The following POLN variants were observed in gnomAD, a reference collection of about 807,000 sequenced individuals.
The protein encoded by POLN is DNA polymerase N.
In POLN, 108 loss-of-function variants were observed where a neutral mutation model predicts 113.5. The observed-to-expected ratio is 0.95, with a 90% CI of 0.81 to 1.12. POLN has a LOEUF of 1.12. POLN is among the 50% of genes most tolerant of loss of function. The pLI, the probability that POLN is intolerant of heterozygous loss-of-function variation, is 0.00. For synonymous variants in POLN, 386 were observed against 391.5 expected (o/e 0.99, Z 0.17); for missense variants, 1,097 against 1,077.1 (o/e 1.02, Z -0.26).
chr4:2,186,843 T>C (rs750992856), intron 7 of POLN, among the ~76,000 whole-genome samples: 1 of 152,158 alleles, frequency 6.6e-6, no homozygotes, highest in Non-Finnish European at 1.5e-5. Context: ...AATTGCAGTT[T>C]TAAGGAAACT....
intron 2 of POLN, chr4:2,234,266 A>T (rs1734681180): frequency 6.6e-6 from 1 of 152,244 alleles, no homozygotes. Flanking sequence ...AGAAGACATG[A>T]AGGTCAAAAT....
At position 2,085,024 on chromosome 4, in the gene POLN, G is replaced by A. The variant is rs565654068; in HGVS notation, c.2197+589C>T. 6.6e-5 allele frequency among the ~76,000 whole-genome samples: 10 copies of A among 152,302 alleles called. No individual in the cohort carries two copies. The South Asian group carries it at 2.1e-3, about 32-fold the overall frequency. On this transcript the variant is annotated intron_variant, in intron 21 of 25. Coordinates refer to ENST00000511885, the MANE Select transcript of POLN (RefSeq NM_181808.4). ...TCCTTTACTTCTAAGTGAGGCGTCA[G>A]CTTAGCCACATCCCAGTTTCTGATG...
chr4:2,175,734 C>G (rs530304051), intron 9 of POLN, among the ~76,000 whole-genome samples: 1 of 152,338 alleles, frequency 6.6e-6, no homozygotes, highest in Non-Finnish European at 1.5e-5. Context: ...GGGGCAGGCT[C>G]CTCCAGGTCA....
At chr4:2,077,162 G>A (rs988452530) in intron 23 of POLN, 1 of 152,296 alleles carries the variant, frequency 6.6e-6, no homozygotes, top group Non-Finnish European at 1.5e-5. Flanking sequence ...TGCCTGCAAG[G>A]TGTGAGGGCT....
In POLN at chr4:2,129,203, T is replaced by C. The variant is rs1190124937; in HGVS notation, c.1843A>G (p.Lys615Glu). 1.3e-6 allele frequency: 2 copies of C among 1,599,502 alleles called. No individual in the cohort carries two copies. The highest frequency in any genetic ancestry group is 4.5e-5 in the East Asian group (2 of 44,800). Residue 615 changes from lysine to glutamate, a missense_variant, in exon 18 of 26, where the codon AAA (lysine) becomes GAA (glutamate). Physicochemically the swap from Lys to Glu is moderately conservative, Grantham distance 56. Transcript: ENST00000511885. ...ISPRAMFVSS[K>E]GHTFLAADFS... Reference sequence around the variant, plus strand: ...CCTGCTGCTAGAAAGGTGTGGCCTTTGGATGAAACAAACATGGCCCTCGGG... The same window carrying C: ...CCTGCTGCTAGAAAGGTGTGGCCTTCGGATGAAACAAACATGGCCCTCGGG...
chr4:2,175,794 G>A (rs1158189613), intron 9 of POLN, among the ~76,000 whole-genome samples: 1 of 152,156 alleles, frequency 6.6e-6, no homozygotes, highest in Non-Finnish European at 1.5e-5. Flanking sequence ...GGGGGCAGGA[G>A]GGAGGGAAAC....
At chr4:2,097,017 C>T (rs1442978395) in intron 19 of POLN, among the ~76,000 whole-genome samples, 1 of 152,226 alleles carries the variant, frequency 6.6e-6, no homozygotes, top group African/African-American at 2.4e-5. Flanking sequence ...TCTCTCTCCT[C>T]AGTTTTTCTT....
intron 2 of POLN, chr4:2,240,833 C>T (rs1388022920): frequency 8.1e-6 from 13 of 1,613,680 alleles, no homozygotes; most frequent in Non-Finnish European, 1.1e-5. Context: ...ACTTCAGAAA[C>T]GATTCATCTT....
intron 16 of POLN, among the ~76,000 whole-genome samples, chr4:2,155,580 C>T (rs1227799871): frequency 6.6e-6 from 1 of 150,380 alleles, no homozygotes; most frequent in Non-Finnish European, 1.5e-5. Flanking sequence ...ACGGGACAGA[C>T]ACATGTTACG....
chr4:2,207,922 C>T lies in POLN; in HGVS notation c.714+65G>A. Reference sequence around the variant, plus strand: ...TTCTAGCTCTCCTATCAAAATCTGACACTAAGAAAATGGGCTTCTTTTATG... The same window carrying T: ...TTCTAGCTCTCCTATCAAAATCTGATACTAAGAAAATGGGCTTCTTTTATG... On this transcript the variant is annotated intron_variant, in intron 5 of 25. Transcript: ENST00000511885. The T allele has an allele frequency of 2.7e-6, 4 of 1,499,090 alleles. No homozygotes were observed. In the Admixed American group the frequency reaches 9.9e-5, roughly 37 times the overall value. The allele number at this position is 1,499,090 out of a possible 1,614,324, so 92.9% of individuals were successfully genotyped here. A position where few individuals can be genotyped will look rare whatever the true frequency, so the allele number is the denominator to read the frequency against.
chr4:2,157,992 C>A lies in POLN; in HGVS notation c.1612-81G>T, dbSNP rs1577729263. 10 of 1,134,814 alleles carry A rather than the reference C, an allele frequency of 8.8e-6. No individual in the cohort carries two copies. In the East Asian group the frequency reaches 2.6e-4, roughly 29 times the overall value. 70.3% of individuals were successfully genotyped at this position (1,134,814 alleles called of 1,614,324 possible). On this transcript the variant is annotated intron_variant, in intron 14 of 25. Coordinates refer to ENST00000511885, the MANE Select transcript of POLN (RefSeq NM_181808.4). ...GGGGGGAAGGAGTCTCGCTCCATTGCCCAGGCTGGAGTGCAGTGGCGTGAT... is the reference window on the plus strand; with the variant it reads ...GGGGGGAAGGAGTCTCGCTCCATTGACCAGGCTGGAGTGCAGTGGCGTGAT...
At chr4:2,168,343 GA>G (rs891004690) in intron 13 of POLN, among the ~76,000 whole-genome samples, 30 of 152,344 alleles carry the variant, frequency 2.0e-4, no homozygotes, top group African/African-American at 7.0e-4. Context: ...CCAGGAAGGG[GA>G]AAGGGAGGAT....
intron 23 of POLN, chr4:2,078,462 ATCTTCT>A (rs370641206): frequency 1.5e-6 from 1 of 656,756 alleles, no homozygotes; most frequent in Admixed American, 6.3e-5. Context: ...GGCCAGATGA[ATCTTCT>A]TCTTCTTTTT....
At chr4:2,109,489 G>A (rs1335752408) in intron 19 of POLN, among the ~76,000 whole-genome samples, 3 of 152,170 alleles carry the variant, frequency 2.0e-5, no homozygotes, top group Admixed American at 6.5e-5. Context: ...GGGAATGAAT[G>A]ATTGAATGAA....
At chr4:2,143,560 C>T (rs1366179996) in intron 16 of POLN, among the ~76,000 whole-genome samples, 1 of 152,106 alleles carries the variant, frequency 6.6e-6, no homozygotes, top group Non-Finnish European at 1.5e-5. Flanking sequence ...TTTTAAAACT[C>T]CCCAAAAATA....
intron 3 of POLN, among the ~76,000 whole-genome samples, chr4:2,226,173 G>T (rs1436500990): frequency 6.6e-6 from 1 of 152,108 alleles, no homozygotes; most frequent in Non-Finnish European, 1.5e-5. Flanking sequence ...TCCAACCGAT[G>T]GGAAGCAAAG....
At chr4:2,080,831 A>C in intron 23 of POLN, 127 bp downstream of exon 23, 2 of 1,563,480 alleles carry the variant, frequency 1.3e-6, no homozygotes, top group Non-Finnish European at 8.6e-7. Context: ...ATGGGCTGAG[A>C]GCCTCAGGAG....
At chr4:2,094,678 A>C (rs1003796526) in intron 20 of POLN, among the ~76,000 whole-genome samples, 1 of 152,104 alleles carries the variant, frequency 6.6e-6, no homozygotes, top group Non-Finnish European at 1.5e-5. Flanking sequence ...GTTCCCATAG[A>C]GGGAAGAGTA....
In POLN at chr4:2,126,360, T is replaced by C. The variant is rs568478067; in HGVS notation, c.1982+1753A>G. On this transcript the variant is annotated intron_variant, in intron 19 of 25. Transcript: ENST00000511885. This position sits in a 1 kb window ranked among gnomAD's most constrained non-coding sequence, Gnocchi z 4.6. Reference sequence around the variant, plus strand: ...AAGAGTCCTGTGGTGGTAGCCTTTTTGGAGAGATTTTCTGATTCAAACGCA... The same window carrying C: ...AAGAGTCCTGTGGTGGTAGCCTTTTCGGAGAGATTTTCTGATTCAAACGCA... Among the ~76,000 whole-genome samples, 2 of 152,330 alleles carry C rather than the reference T, an allele frequency of 1.3e-5. No homozygotes were observed. The highest frequency in any genetic ancestry group is 3.9e-4 in the East Asian group (2 of 5,184).
Sources: allele counts gnomAD v4.1 joint callset (sites outside exome capture counted in the v4.1 genomes callset), GRCh38; gene constraint gnomAD v4.1.1; non-coding constraint Gnocchi (gnomAD v3.1); transcripts MANE v1.5; gene names NCBI Gene and HGNC (gene_info 2026-07-23, HGNC 2026-07-21).